TTC6: variants seen among roughly 807,000 people sequenced by gnomAD.
TTC6 encodes tetratricopeptide repeat protein 6.
A neutral mutation model predicts 210.4 loss-of-function variants in TTC6; 172 were observed. That is an observed-to-expected ratio of 0.82 (90% CI 0.72 to 0.93). TTC6 has a LOEUF of 0.93. Among genes scored for constraint, TTC6 ranks in the 40% least tolerant of loss-of-function variants. The pLI is 0.00. For missense variants in TTC6, 2,414 were observed against 2,318.1 expected (o/e 1.04, Z -0.85); for synonymous variants, 804 against 819.6 (o/e 0.98, Z 0.32).
chr14:37,721,196 A>C (rs1027058021), intron 6 of TTC6, among the ~76,000 whole-genome samples: 4 of 152,082 alleles, frequency 2.6e-5, no homozygotes, highest in African/African-American at 9.6e-5. Flanking sequence ...CTGAAACTGT[A>C]TTGATGACTT....
Position 37,696,762 on chromosome 14 carries a change from C to T in TTC6, c.1303C>T (p.Arg435Ter), listed in dbSNP as rs759630555. The change falls in exon 4 of 31, where the codon CGA (arginine) becomes TGA (stop). Residue 435 changes from arginine to a stop codon, truncating the protein, a stop_gained. Coordinates refer to ENST00000553443, the Ensembl canonical transcript of TTC6. LOFTEE classifies it high-confidence loss of function. ...GCAAATCGAAGGAAAAGAAATTAAGCGAATGCGGAAACGTAAATCACTGAG... is the reference window on the plus strand; with the variant it reads ...GCAAATCGAAGGAAAAGAAATTAAGTGAATGCGGAAACGTAAATCACTGAG... 41 of 1,463,062 alleles carry T rather than the reference C, an allele frequency of 2.8e-5. No homozygotes were observed. Among genetic ancestry groups the T allele is most frequent in the Admixed American group, 1.4e-4 (6 of 42,820 alleles). 90.6% of individuals were successfully genotyped at this position (1,463,062 alleles called of 1,614,324 possible).
chr14:37,660,144 A>G (rs177885), intron 1 of TTC6, among the ~76,000 whole-genome samples: 45,265 of 151,634 alleles, frequency 0.3, 6,993 homozygotes, highest in Non-Finnish European at 0.34. Context: ...GGCTGCAATT[A>G]CTTTTGGCAT....
chr14:37,670,243 C>G (rs2095755635), intron 1 of TTC6, among the ~76,000 whole-genome samples: 2 of 152,098 alleles, frequency 1.3e-5, no homozygotes, highest in Non-Finnish European at 2.9e-5. Flanking sequence ...CTACAGAAAG[C>G]TCTTTAATTT....
At chr14:37,783,651 G>A (rs775483819) in intron 14 of TTC6, among the ~76,000 whole-genome samples, 2 of 151,922 alleles carry the variant, frequency 1.3e-5, no homozygotes, top group Admixed American at 6.6e-5. Context: ...TCTGATCTTA[G>A]TTATTTCTTG....
At chr14:37,722,016 T>G (rs1033284665) in intron 6 of TTC6, among the ~76,000 whole-genome samples, 5 of 151,404 alleles carry the variant, frequency 3.3e-5, no homozygotes, top group African/African-American at 1.2e-4. Context: ...GACTACATTT[T>G]GAAAACTGAT....
intron 6 of TTC6, among the ~76,000 whole-genome samples, chr14:37,722,083 AT>A (rs1298705083): frequency 6.6e-6 from 1 of 151,856 alleles, no homozygotes; most frequent in African/African-American, 2.4e-5. Flanking sequence ...ACTAATTTGC[AT>A]GTCTCTTTCC....
intron 1 of TTC6, among the ~76,000 whole-genome samples, chr14:37,639,927 A>G (rs967575897): frequency 1.3e-5 from 2 of 149,672 alleles, no homozygotes; most frequent in Admixed American, 6.7e-5. Flanking sequence ...ATATATCTAT[A>G]TATCTATATA....
chr14:37,828,224 T>A (rs1210439857), intron 29 of TTC6, among the ~76,000 whole-genome samples: 2 of 152,102 alleles, frequency 1.3e-5, no homozygotes, highest in Non-Finnish European at 2.9e-5. Flanking sequence ...TTGAATTTAT[T>A]TCATTTGAAT....
intron 20 of TTC6, among the ~76,000 whole-genome samples, chr14:37,797,366 G>A (rs1326416765): frequency 6.6e-6 from 1 of 151,958 alleles, no homozygotes; most frequent in African/African-American, 2.4e-5. Flanking sequence ...CAATTTGGTG[G>A]ATAAAAATTT....
At chr14:37,644,260 G>T (rs1431593749) in intron 1 of TTC6, among the ~76,000 whole-genome samples, 2 of 152,092 alleles carry the variant, frequency 1.3e-5, no homozygotes, top group African/African-American at 4.8e-5. Flanking sequence ...TGTAAAAAAA[G>T]GTCTTATAAA....
chr14:37,604,809 C>T (rs2095622061), intron 1 of TTC6, among the ~76,000 whole-genome samples: 1 of 152,146 alleles, frequency 6.6e-6, no homozygotes, highest in Non-Finnish European at 1.5e-5. Context: ...CTTTCTCCTT[C>T]CTCCTCTGCC....
intron 26 of TTC6, among the ~76,000 whole-genome samples, chr14:37,821,218 C>T (rs139765514): frequency 2.1e-3 from 322 of 152,092 alleles, no homozygotes; most frequent in African/African-American, 7.4e-3. Flanking sequence ...CAGGTGCATA[C>T]TACCATGCCT....
intron 25 of TTC6, among the ~76,000 whole-genome samples, chr14:37,816,438 G>T (rs1225875829): frequency 4.6e-5 from 7 of 152,146 alleles, no homozygotes; most frequent in African/African-American, 1.7e-4. Flanking sequence ...GTCCTTTGGG[G>T]CTGCAGATTT....
rs148328469 is a variant in TTC6 at position 37,622,724 on chromosome 14, G to A, written c.660G>A (p.Gly220=). ...ACGGCTACATGGAGGCCAGCAGCGG[G>A]CGGAGGAAAGTGAGGATCCGCAGCA... is the stretch of plus-strand genomic sequence containing the variant. Residue 220 remains glycine, a synonymous_variant, in exon 1 of 31, where the codon GGG becomes GGA. Transcript: ENST00000553443. The A allele has an allele frequency of 3.2e-5, 49 of 1,535,060 alleles. No homozygotes were observed. In the East Asian group the frequency reaches 1.1e-3, roughly 33 times the overall value.
chr14:37,786,322 A>G (rs1211165683), intron 14 of TTC6, among the ~76,000 whole-genome samples: 5 of 152,174 alleles, frequency 3.3e-5, no homozygotes, highest in Non-Finnish European at 5.9e-5. Context: ...AGTGTCAGCA[A>G]TGGCAGCCGC....
chr14:37,821,696 G>A (rs1446273842), intron 26 of TTC6, among the ~76,000 whole-genome samples: 3 of 149,976 alleles, frequency 2.0e-5, no homozygotes, highest in African/African-American at 7.4e-5. Flanking sequence ...AAACTGAATT[G>A]CCTTTCAGTT....
chr14:37,782,610 A>G (rs1187874374), intron 14 of TTC6, among the ~76,000 whole-genome samples: 8 of 151,942 alleles, frequency 5.3e-5, no homozygotes, highest in Non-Finnish European at 1.0e-4. Context: ...CTAATTGAAT[A>G]CCCTTTATTT....
intron 2 of TTC6, among the ~76,000 whole-genome samples, chr14:37,609,008 G>A (rs1363368999): frequency 2.6e-5 from 4 of 152,184 alleles, no homozygotes; most frequent in African/African-American, 9.6e-5. Flanking sequence ...TGTACTTGAA[G>A]TATTAACATT....
At position 37,725,835 on chromosome 14, in the gene TTC6, C is replaced by T. The variant is rs547444011; in HGVS notation, c.1818+833C>T. 2.0e-5 allele frequency among the ~76,000 whole-genome samples: 3 copies of T among 152,150 alleles called. No individual in the cohort carries two copies. In the South Asian group the frequency reaches 6.2e-4, roughly 32 times the overall value. ...GTATTTTCATTTGTTTTTAAAATCA[C>T]ATTTTAAATTAATTTAATGTTAAAA... On this transcript the variant is annotated intron_variant, in intron 7 of 30. Coordinates refer to ENST00000553443, the Ensembl canonical transcript of TTC6.
Sources: gnomAD v4.1 joint callset for allele counts (sites outside exome capture counted in the v4.1 genomes callset) on GRCh38, gnomAD v4.1.1 for gene constraint, MANE v1.5 for transcripts, NCBI Gene and HGNC (gene_info 2026-07-23, HGNC 2026-07-21) for gene names.